The following CAMK1D variants were observed in gnomAD, a reference collection of about 807,000 sequenced individuals.
The protein encoded by CAMK1D is calcium/calmodulin-dependent protein kinase type 1D.
A neutral mutation model predicts 47.7 loss-of-function variants in CAMK1D; 9 were observed. The ratio of observed to expected loss-of-function variants is 0.19; its 90% CI spans 0.11 to 0.33. The LOEUF is 0.33. Among genes scored for constraint, CAMK1D ranks in the 10% least tolerant of loss-of-function variants. CAMK1D has a pLI of 1.00. For synonymous variants in CAMK1D, 184 were observed against 184.9 expected (o/e 0.99, Z 0.04); for missense variants, 291 against 488.7 (o/e 0.60, Z 3.81).
chr10:12,576,960 G>A (rs990541714), intron 2 of CAMK1D, among the ~76,000 whole-genome samples: 1 of 152,176 alleles, frequency 6.6e-6, no homozygotes, highest in African/African-American at 2.4e-5. Context: ...GAGTGACACA[G>A]AGCCCCAAAA....
intron 3 of CAMK1D, among the ~76,000 whole-genome samples, chr10:12,670,910 C>T (rs1341283326): frequency 1.3e-5 from 2 of 152,158 alleles, no homozygotes; most frequent in African/African-American, 4.8e-5. Flanking sequence ...AATTTTAGGA[C>T]ATTTTTGTCC....
intron 1 of CAMK1D, among the ~76,000 whole-genome samples, chr10:12,361,423 T>C (rs1828450840): frequency 6.6e-6 from 1 of 151,952 alleles, no homozygotes; most frequent in African/African-American, 2.4e-5. Context: ...ATTTTTGTAC[T>C]TTTAGTAGAG....
intron 1 of CAMK1D, among the ~76,000 whole-genome samples, chr10:12,380,041 C>G (rs1253631509): frequency 1.3e-5 from 2 of 151,478 alleles, no homozygotes; most frequent in South Asian, 4.2e-4. Flanking sequence ...GGTGAAACCC[C>G]GTCTCTACTA....
chr10:12,827,303 C>CTTTT (rs879613428), intron 10 of CAMK1D, among the ~76,000 whole-genome samples: 11 of 82,252 alleles, frequency 1.3e-4, no homozygotes, highest in Non-Finnish European at 1.5e-4. Context: ...TTCTTTCTCT[C>CTTTT]TCTTTTTCTT....
intron 3 of CAMK1D, among the ~76,000 whole-genome samples, chr10:12,735,302 C>T (rs1464176750): frequency 1.3e-5 from 2 of 152,074 alleles, no homozygotes; most frequent in East Asian, 3.9e-4. Context: ...ACGGTGAAAC[C>T]CCGTCTCTAC....
intron 8 of CAMK1D, 98 bp downstream of exon 8, chr10:12,816,426 C>G (rs1323564140): frequency 1.1e-6 from 1 of 944,250 alleles, no homozygotes; most frequent in Non-Finnish European, 1.6e-6. Context: ...GAAATCCACA[C>G]AGGATTATTA....
At chr10:12,558,920 AG>A (rs1009094849) in intron 2 of CAMK1D, among the ~76,000 whole-genome samples, 3 of 152,160 alleles carry the variant, frequency 2.0e-5, no homozygotes, top group Non-Finnish European at 4.4e-5. Context: ...TACACTGAGG[AG>A]TCTCAGATGA....
At chr10:12,821,082 T>A (rs1409742161) in intron 8 of CAMK1D, among the ~76,000 whole-genome samples, 1 of 152,164 alleles carries the variant, frequency 6.6e-6, no homozygotes, top group East Asian at 1.9e-4. Context: ...AATCAAAAAT[T>A]TGCAGGCCAG....
At chr10:12,823,400 A>G (rs545254210) in intron 8 of CAMK1D, among the ~76,000 whole-genome samples, 35 of 152,296 alleles carry the variant, frequency 2.3e-4, no homozygotes, top group African/African-American at 7.5e-4. Context: ...ATCAAAGCCC[A>G]GGAAAGACTG....
intron 2 of CAMK1D, among the ~76,000 whole-genome samples, chr10:12,636,053 A>G (rs1839504788): frequency 6.6e-6 from 1 of 152,226 alleles, no homozygotes; most frequent in African/African-American, 2.4e-5. Flanking sequence ...CAAAATACAC[A>G]TAACATACAA....
At chr10:12,551,408 A>G (rs1836572643) in intron 1 of CAMK1D, among the ~76,000 whole-genome samples, 2 of 152,268 alleles carry the variant, frequency 1.3e-5, no homozygotes, top group South Asian at 4.2e-4. Flanking sequence ...ACTGATTTCT[A>G]CGTTATGGCA....
chr10:12,729,572 T>G (rs1433969032), intron 3 of CAMK1D, among the ~76,000 whole-genome samples: 5 of 152,150 alleles, frequency 3.3e-5, no homozygotes, highest in African/African-American at 1.2e-4. Flanking sequence ...CGGGCTGCAG[T>G]GAGCTATGAT....
chr10:12,676,586 A>T (rs1346106498), intron 3 of CAMK1D, among the ~76,000 whole-genome samples: 1 of 152,222 alleles, frequency 6.6e-6, no homozygotes, highest in East Asian at 1.9e-4. Context: ...TAGTCCTTAC[A>T]GTAAACTCAG....
At chr10:12,646,097 T>C (rs529448663) in intron 2 of CAMK1D, among the ~76,000 whole-genome samples, 4 of 152,346 alleles carry the variant, frequency 2.6e-5, no homozygotes, top group Admixed American at 1.3e-4. Context: ...CAATCCTTTT[T>C]ATGCAGAAGC....
At chr10:12,709,190 C>T (rs1467912318) in intron 3 of CAMK1D, among the ~76,000 whole-genome samples, 3 of 152,180 alleles carry the variant, frequency 2.0e-5, no homozygotes, top group African/African-American at 4.8e-5. Context: ...GAGCTTGGAG[C>T]CTCCACAGTT....
At chr10:12,551,247 C>T (rs1025571873) in intron 1 of CAMK1D, among the ~76,000 whole-genome samples, 2 of 152,208 alleles carry the variant, frequency 1.3e-5, no homozygotes, top group African/African-American at 4.8e-5. Context: ...ATTAGATTCT[C>T]ATAGGAGCGT....
chr10:12,806,878 G>A (rs534994397), intron 6 of CAMK1D, among the ~76,000 whole-genome samples: 1 of 152,310 alleles, frequency 6.6e-6, no homozygotes, highest in Non-Finnish European at 1.5e-5. Flanking sequence ...AGACCGTGGG[G>A]ACTTTGGGGC....
chr10:12,431,144 T>A, intron 1 of CAMK1D, among the ~76,000 whole-genome samples: 1 of 152,242 alleles, frequency 6.6e-6, no homozygotes, highest in East Asian at 1.9e-4. Context: ...AATTATGCTT[T>A]CTCCACCTTG....
intron 2 of CAMK1D, among the ~76,000 whole-genome samples, chr10:12,647,062 C>T (rs566896287): frequency 2.7e-5 from 4 of 150,624 alleles, no homozygotes; most frequent in South Asian, 2.1e-4. Context: ...AGGCTGGTCT[C>T]GAACTCCTGA....
Sources: gnomAD v4.1 joint callset for allele counts (sites outside exome capture counted in the v4.1 genomes callset) on GRCh38, gnomAD v4.1.1 for gene constraint, MANE v1.5 for transcripts, NCBI Gene and HGNC (gene_info 2026-07-23, HGNC 2026-07-21) for gene names.